Variants in NEBL observed in about 807,000 individuals in gnomAD.
The protein encoded by NEBL is LIM and SH3 protein 2.
NEBL carries 122 observed loss-of-function variants against 140.2 expected under a neutral mutation model. That is an observed-to-expected ratio of 0.87 (90% CI 0.75 to 1.01). NEBL has a LOEUF of 1.01. Ranked by LOEUF, NEBL falls within the 50% of genes least tolerant of loss-of-function variation. The pLI is 0.00. For synonymous variants in NEBL, 436 were observed against 398.9 expected, an observed-to-expected ratio of 1.09 and a Z score of -1.11; for missense variants, 1,365 against 1,231.3, an observed-to-expected ratio of 1.11 and a Z score of -1.62.
chr10:20,914,773 A>C (rs1589003448), intron 4 of NEBL, among the ~76,000 whole-genome samples: 2 of 152,320 alleles, frequency 1.3e-5, no homozygotes, highest in African/African-American at 4.8e-5. Context: ...GAAATTTCAA[A>C]TAATTGAGAC....
In NEBL at chr10:20,815,728, A is replaced by G. The variant is rs369297283; in HGVS notation, c.2149-11T>C. On this transcript the variant is annotated splice_polypyrimidine_tract_variant and intron_variant, in intron 21 of 27. Transcript: ENST00000377122. The stretch of plus-strand genomic sequence containing the variant: ...ACCTCTGTAATAAACCTATCATTTC[A>G]GAGAACAAAAAATAGAATACTATGA... 65 of 1,531,416 alleles carry G rather than the reference A, an allele frequency of 4.2e-5. No individual in the cohort carries two copies. Among genetic ancestry groups the G allele is most frequent in the Non-Finnish European group, 5.2e-5 (58 of 1,105,376 alleles). 94.9% of individuals were successfully genotyped at this position (1,531,416 alleles called of 1,614,324 possible).
chr10:21,004,420 C>T (rs944804612), intron 3 of NEBL, among the ~76,000 whole-genome samples: 4 of 152,150 alleles, frequency 2.6e-5, no homozygotes, highest in Admixed American at 1.3e-4. Flanking sequence ...TATTAACAAG[C>T]GTAAATAAGA....
intron 11 of NEBL, among the ~76,000 whole-genome samples, chr10:20,848,397 G>T (rs774065201): frequency 6.6e-6 from 1 of 152,098 alleles, no homozygotes; most frequent in African/African-American, 2.4e-5. Flanking sequence ...TAATCAAAAT[G>T]GTTACTTCAT....
chr10:21,116,738 T>C (rs564591336), intron 2 of NEBL, among the ~76,000 whole-genome samples: 5 of 152,200 alleles, frequency 3.3e-5, no homozygotes, highest in African/African-American at 1.2e-4. Flanking sequence ...GGCACAATCA[T>C]AGCTCAATGC....
chr10:20,977,745 C>G (rs1258305031), intron 3 of NEBL, among the ~76,000 whole-genome samples: 1 of 152,136 alleles, frequency 6.6e-6, no homozygotes, highest in Non-Finnish European at 1.5e-5. Flanking sequence ...GCAAATGTAA[C>G]AAAAGCATCA....
intron 4 of NEBL, among the ~76,000 whole-genome samples, chr10:20,947,198 CA>C (rs1172115883): frequency 1.3e-5 from 2 of 152,156 alleles, no homozygotes; most frequent in African/African-American, 4.8e-5. Context: ...ATGTCGAAAA[CA>C]AAAGGCAACC....
chr10:20,978,129 A>C (rs1366364469), intron 3 of NEBL, among the ~76,000 whole-genome samples: 3 of 152,206 alleles, frequency 2.0e-5, no homozygotes, highest in Non-Finnish European at 4.4e-5. Context: ...AAATAGATGT[A>C]GTCAGCTAGG....
intron 1 of NEBL, among the ~76,000 whole-genome samples, chr10:21,253,640 T>A (rs1842617298): frequency 6.7e-6 from 1 of 150,256 alleles, no homozygotes; most frequent in Admixed American, 6.7e-5. Flanking sequence ...GCCTCCTGGG[T>A]TCAAGCGCTT....
chr10:21,222,116 A>G (rs1158068696), intron 3 of NEBL, among the ~76,000 whole-genome samples: 1 of 152,016 alleles, frequency 6.6e-6, no homozygotes, highest in Non-Finnish European at 1.5e-5. Flanking sequence ...TTTTGAAATT[A>G]TGGTATACCC....
chr10:20,933,010 A>T (rs1449250524), intron 4 of NEBL, among the ~76,000 whole-genome samples: 1 of 152,218 alleles, frequency 6.6e-6, no homozygotes, highest in Non-Finnish European at 1.5e-5. Context: ...AATTAGGTAC[A>T]TTAGATACTA....
upstream of NEBL, chr10:20,899,314 C>T: frequency 9.6e-7 from 1 of 1,038,344 alleles, no homozygotes; most frequent in Non-Finnish European, 1.3e-6. Flanking sequence ...CACCTTTTGG[C>T]TCATATTTGA....
intron 3 of NEBL, among the ~76,000 whole-genome samples, chr10:20,994,143 G>T (rs1252410196): frequency 6.6e-6 from 1 of 152,198 alleles, no homozygotes; most frequent in Non-Finnish European, 1.5e-5. Flanking sequence ...TTTCAGTTCA[G>T]CCAGCTAAAT....
intron 2 of NEBL, among the ~76,000 whole-genome samples, chr10:20,895,453 G>T (rs746396187): frequency 1.3e-5 from 2 of 152,138 alleles, no homozygotes; most frequent in East Asian, 1.9e-4. Context: ...CCCAGGCAAG[G>T]TACTGAACCT....
intron 2 of NEBL, among the ~76,000 whole-genome samples, chr10:21,138,482 G>T (rs1207623615): frequency 6.6e-6 from 1 of 152,134 alleles, no homozygotes; most frequent in Non-Finnish European, 1.5e-5. Context: ...GCAATGCACA[G>T]CTATTAGAGA....
Position 20,918,529 on chromosome 10 carries a change from G to C in NEBL, c.357+43143C>G, listed in dbSNP as rs1026017483. Reference sequence around the variant, plus strand: ...TAATATACTTAGAGCACTTGAATCAGTGCACTTAAGTAAGTACATAATAAA... The same window carrying C: ...TAATATACTTAGAGCACTTGAATCACTGCACTTAAGTAAGTACATAATAAA... On this transcript the variant is annotated intron_variant, in intron 4 of 6. Coordinates refer to the NEBL transcript ENST00000417816. Among the ~76,000 whole-genome samples, 9 of 152,078 alleles carry C rather than the reference G, an allele frequency of 5.9e-5. 1 individual carries two copies. The highest frequency in any genetic ancestry group is 3.3e-4 in the Admixed American group (5 of 15,254).
chr10:21,289,125 G>A (rs535502856), intron 1 of NEBL, among the ~76,000 whole-genome samples: 11 of 151,906 alleles, frequency 7.2e-5, no homozygotes, highest in Admixed American at 1.3e-4. Context: ...GAGATTACTG[G>A]CATGAGCCAC....
chr10:21,015,129 G>A (rs1056303140), intron 3 of NEBL, among the ~76,000 whole-genome samples: 6 of 152,102 alleles, frequency 3.9e-5, no homozygotes, highest in African/African-American at 1.4e-4. Flanking sequence ...CAACTAAGTG[G>A]GCAGTAGCTA....
chr10:20,940,753 T>G (rs1160204246), intron 4 of NEBL, among the ~76,000 whole-genome samples: 1 of 151,230 alleles, frequency 6.6e-6, no homozygotes, highest in Non-Finnish European at 1.5e-5. Context: ...ATAAAGGGGA[T>G]ATCACCACCA....
intron 2 of NEBL, among the ~76,000 whole-genome samples, chr10:21,074,795 TTTG>T (rs71747504): frequency 0.29 from 43,293 of 148,672 alleles, 8,861 homozygotes; most frequent in African/African-American, 0.59. Flanking sequence ...TATATATATT[TTTG>T]TTGTTGTTGT....
Sources: allele counts gnomAD v4.1 joint callset (sites outside exome capture counted in the v4.1 genomes callset), GRCh38; gene constraint gnomAD v4.1.1; transcripts MANE v1.5; gene names NCBI Gene and HGNC (gene_info 2026-07-23, HGNC 2026-07-21).